PLEKHH2: variants seen among roughly 807,000 people sequenced by gnomAD.
The protein encoded by PLEKHH2 is pleckstrin homology, MyTH4 and FERM domain containing H2, also known as pleckstrin homology domain-containing family H member 2.
PLEKHH2 carries 129 observed loss-of-function variants against 187.9 expected under a neutral mutation model. The observed-to-expected ratio is 0.69, with a 90% CI of 0.59 to 0.79. PLEKHH2 has a LOEUF of 0.79. Among genes scored for constraint, PLEKHH2 ranks in the 30% least tolerant of loss-of-function variants. PLEKHH2 has a pLI of 0.00. For missense variants in PLEKHH2, 2,076 were observed against 1,751.2 expected (o/e 1.19, Z -3.31); for synonymous variants, 686 against 605.6 (o/e 1.13, Z -1.95).
intron 23 of PLEKHH2, among the ~76,000 whole-genome samples, chr2:43,745,374 A>G (rs982941095): frequency 2.0e-5 from 3 of 152,170 alleles, no homozygotes; most frequent in African/African-American, 7.2e-5. Context: ...TTAGAGAAAT[A>G]ATGCACTTAT....
At position 43,699,795 on chromosome 2, in the gene PLEKHH2, T is replaced by G; in HGVS notation, c.837T>G (p.Ser279=). The change falls in exon 8 of 30, where the codon TCT becomes TCG. Residue 279 remains serine (S), a synonymous_variant. Coordinates refer to ENST00000282406, the MANE Select transcript of PLEKHH2 (RefSeq NM_172069.4). ...FATDGGISQN[S]GAPVSDWSSD... ...CAGATGGTGGCATCTCCCAGAATTC[T>G]GGGGCTCCTGTGAGTGACTGGAGCT... is the stretch of plus-strand genomic sequence containing the variant. The G allele has an allele frequency of 1.9e-6, 3 of 1,614,134 alleles. No homozygotes were observed. Among genetic ancestry groups the G allele is most frequent in the African/African-American group, 2.7e-5 (2 of 75,028 alleles).
chr2:43,637,991 A>G (rs1349441189), intron 1 of PLEKHH2, among the ~76,000 whole-genome samples: 2 of 152,204 alleles, frequency 1.3e-5, no homozygotes, highest in Admixed American at 6.5e-5. Context: ...CTGTGGAAAT[A>G]GAAGTCGAAC....
intron 3 of PLEKHH2, among the ~76,000 whole-genome samples, chr2:43,688,792 G>C (rs935153309): frequency 6.6e-6 from 1 of 152,206 alleles, no homozygotes; most frequent in Non-Finnish European, 1.5e-5. Flanking sequence ...TCTTTCTGCT[G>C]TGGGGTTGCA....
chr2:43,645,778 A>G (rs991087116), intron 2 of PLEKHH2, among the ~76,000 whole-genome samples: 3 of 152,132 alleles, frequency 2.0e-5, no homozygotes, highest in Non-Finnish European at 2.9e-5. Context: ...TTATATTTCT[A>G]TTGGAAAGCA....
rs568171456 is a variant in PLEKHH2, at chr2:43,678,457, C to T, written c.124-406C>T. ...GTGAACGAGGCTCCGTCTGCAATCCCGGCACCTCAGGAGGCCGAGGCTCGC... is the reference window on the plus strand; with the variant it reads ...GTGAACGAGGCTCCGTCTGCAATCCTGGCACCTCAGGAGGCCGAGGCTCGC... On this transcript the variant is annotated intron_variant, in intron 2 of 29. Transcript: ENST00000282406. Among the ~76,000 whole-genome samples the T allele has an allele frequency of 2.2e-4, 33 of 152,308 alleles. No individual in the cohort carries two copies. The East Asian group carries it at 4.4e-3, about 21-fold the overall frequency.
chr2:43,677,970 G>A lies in PLEKHH2; in HGVS notation c.124-893G>A, dbSNP rs1268609497. Among the ~76,000 whole-genome samples, 378 of 149,748 alleles carry A rather than the reference G, an allele frequency of 2.5e-3. 2 individuals carry two copies. The highest frequency in any genetic ancestry group is 8.8e-3 in the African/African-American group (357 of 40,526). Reference sequence around the variant, plus strand: ...CTCCCAGACGGGGCGGCTGCCGGGCGGAGGGGCTCCTCACTTCTCAGACGG... The same window carrying A: ...CTCCCAGACGGGGCGGCTGCCGGGCAGAGGGGCTCCTCACTTCTCAGACGG... On this transcript the variant is annotated intron_variant, in intron 2 of 29. Transcript: ENST00000282406.
chr2:43,692,478 C>A (rs764558674), intron 3 of PLEKHH2, 36 bp from the exon 4 acceptor site: 1 of 1,501,144 alleles, frequency 6.7e-7, no homozygotes, highest in South Asian at 1.2e-5. Flanking sequence ...AACCTGAGTA[C>A]ACACACAATT....
At chr2:43,707,292 A>G in intron 10 of PLEKHH2, 109 bp from the exon 11 acceptor site, 1 of 1,183,060 alleles carries the variant, frequency 8.5e-7, no homozygotes, top group Non-Finnish European at 1.2e-6. Context: ...GGATACAGGG[A>G]GGTTGCTCTG....
chr2:43,670,350 A>G (rs934705005), intron 2 of PLEKHH2, among the ~76,000 whole-genome samples: 1 of 152,196 alleles, frequency 6.6e-6, no homozygotes, highest in Non-Finnish European at 1.5e-5. Context: ...CTCAGAAAAT[A>G]TTGTTCCCAG....
chr2:43,673,109 T>C (rs973560145), intron 2 of PLEKHH2, among the ~76,000 whole-genome samples: 1 of 152,162 alleles, frequency 6.6e-6, no homozygotes, highest in East Asian at 1.9e-4. Flanking sequence ...GTAAGCAGAA[T>C]GTTATAATGG....
chr2:43,694,893 C>A (rs1669012217), intron 5 of PLEKHH2, among the ~76,000 whole-genome samples: 1 of 151,968 alleles, frequency 6.6e-6, no homozygotes, highest in Non-Finnish European at 1.5e-5. Context: ...AATAATTTTA[C>A]AGTGGAAAAG....
intron 20 of PLEKHH2, among the ~76,000 whole-genome samples, chr2:43,740,168 A>T (rs1017422317): frequency 3.3e-5 from 5 of 152,200 alleles, no homozygotes; most frequent in African/African-American, 1.2e-4. Context: ...CTGAAAAATT[A>T]TATATAACAA....
chr2:43,712,144 G>T (rs190679997), intron 14 of PLEKHH2, 81 bp from the exon 15 acceptor site: 1 of 1,516,394 alleles, frequency 6.6e-7, no homozygotes, highest in South Asian at 1.2e-5. Flanking sequence ...AAGTAATGAC[G>T]TTTGAATAAT....
chr2:43,726,189 T>G (rs1670735250), intron 16 of PLEKHH2, 83 bp from the exon 17 acceptor site: 1 of 960,274 alleles, frequency 1.0e-6, no homozygotes, highest in Non-Finnish European at 1.5e-6. Context: ...TTTATAAATT[T>G]AAAAATGAAA....
At chr2:43,712,175 T>A in intron 14 of PLEKHH2, 50 bp from the exon 15 acceptor site, 1 of 1,570,978 alleles carries the variant, frequency 6.4e-7, no homozygotes, top group Non-Finnish European at 8.8e-7. Flanking sequence ...ATGCTAACAA[T>A]CCTAAATCTT....
At chr2:43,651,184 T>G (rs1666452342) in intron 2 of PLEKHH2, among the ~76,000 whole-genome samples, 1 of 152,078 alleles carries the variant, frequency 6.6e-6, no homozygotes, top group Non-Finnish European at 1.5e-5. Context: ...TTCATTTTGT[T>G]CAGCAAACAT....
Position 43,753,696 on chromosome 2 carries a change from T to C in PLEKHH2, c.3731T>C (p.Ile1244Thr), listed in dbSNP as rs1441483671. 6.3e-7 allele frequency: 1 copy of C among 1,587,784 alleles called. No homozygotes were observed. Among genetic ancestry groups the C allele is most frequent in the Admixed American group, 1.8e-5 (1 of 55,270 alleles). Residue 1244 changes from isoleucine (I) to threonine (T), a missense_variant, in exon 25 of 30, where the codon ATC (isoleucine) becomes ACC (threonine). By Grantham distance (89) the Ile-to-Thr change is moderately conservative. Transcript: ENST00000282406. The part of the protein sequence containing the change: ...LLLMYQTNDQ[I>T]INGLFPLNKD... Reference sequence around the variant, plus strand: ...TTAATGTATCAGACAAATGATCAAATCATAAATGGACTTTTTCCTCTGAAC... The same window carrying C: ...TTAATGTATCAGACAAATGATCAAACCATAAATGGACTTTTTCCTCTGAAC...
At chr2:43,759,130 A>G in intron 27 of PLEKHH2, 101 bp downstream of exon 27, 1 of 1,415,230 alleles carries the variant, frequency 7.1e-7, no homozygotes, top group Non-Finnish European at 9.4e-7. Flanking sequence ...TAAAAAATGA[A>G]GAAATATCCA....
chr2:43,653,587 C>G (rs1253319182), intron 2 of PLEKHH2, among the ~76,000 whole-genome samples: 1 of 152,152 alleles, frequency 6.6e-6, no homozygotes, highest in Non-Finnish European at 1.5e-5. Flanking sequence ...ATATAGGAAA[C>G]AAGAGATTCT....
Sources: allele counts gnomAD v4.1 joint callset (sites outside exome capture counted in the v4.1 genomes callset), GRCh38; gene constraint gnomAD v4.1.1; transcripts MANE v1.5; gene names NCBI Gene and HGNC (gene_info 2026-07-23, HGNC 2026-07-21).